The following NEXMIF variants were observed in gnomAD, a reference collection of about 807,000 sequenced individuals.
NEXMIF encodes neurite extension and migration factor, also known as XLMR protein related to neurite extension.
Under a neutral mutation model 62.1 loss-of-function variants are expected in NEXMIF, and 8 were observed. The observed-to-expected ratio is 0.13, with a 90% CI of 0.08 to 0.23. The LOEUF is 0.23. NEXMIF is among the 10% of genes least tolerant of loss of function. The pLI is 1.00. For missense variants in NEXMIF, 976 were observed against 1,113.3 expected (o/e 0.88, Z 1.75); for synonymous variants, 404 against 416.6 (o/e 0.97, Z 0.37).
chrX:74,767,603 C>G (rs2080198589), intron 1 of NEXMIF, among the ~76,000 whole-genome samples: 1 of 111,222 alleles, frequency 9.0e-6, no homozygotes. Flanking sequence ...CTACCCATCC[C>G]TCCCCTGGGA....
In NEXMIF at chrX:74,750,091, A is replaced by AG. The variant is rs1352262825; in HGVS notation, c.-47-4395dup. 7.2e-5 allele frequency among the ~76,000 whole-genome samples: 8 copies of AG among 111,314 alleles called. No homozygotes were observed. The East Asian group carries it at 1.7e-3, about 24-fold the overall frequency. The stretch of plus-strand genomic sequence containing the variant: ...GGACCAGTGAAAGTGGGAGAGACAG[A>AG]GGGGGGGAAGATAGGAAAAAATGTT... On this transcript the variant is annotated intron_variant, in intron 1 of 3. Transcript: ENST00000055682.
intron 1 of NEXMIF, among the ~76,000 whole-genome samples, chrX:74,847,611 T>C (rs1452957095): frequency 9.0e-6 from 1 of 111,727 alleles, no homozygotes; most frequent in Non-Finnish European, 1.9e-5. Flanking sequence ...AGCATGAATT[T>C]TCATATGTAA....
chrX:74,883,678 T>C (rs1270828459), intron 1 of NEXMIF, among the ~76,000 whole-genome samples: 50 of 111,999 alleles, frequency 4.5e-4, no homozygotes, highest in African/African-American at 1.6e-3. Context: ...AATTGGTGTA[T>C]CTGAAAGTGA....
intron 1 of NEXMIF, among the ~76,000 whole-genome samples, chrX:74,754,875 A>G (rs2080154975): frequency 9.0e-6 from 1 of 111,564 alleles, no homozygotes; most frequent in African/African-American, 3.3e-5. Flanking sequence ...AATACAAAAC[A>G]TCCCATTAAA....
intron 1 of NEXMIF, among the ~76,000 whole-genome samples, chrX:74,753,167 G>T (rs2080149275): frequency 8.9e-6 from 1 of 112,132 alleles, no homozygotes; most frequent in Non-Finnish European, 1.9e-5. Flanking sequence ...TCTCCATATG[G>T]TTTCTAATCT....
chrX:74,810,577 G>A (rs1395841496), intron 1 of NEXMIF, among the ~76,000 whole-genome samples: 2 of 106,173 alleles, frequency 1.9e-5, no homozygotes, highest in African/African-American at 6.9e-5. Flanking sequence ...GACTGCTTGA[G>A]GTTAGGAGTC....
At chrX:74,764,369 C>A (rs763359091) in intron 1 of NEXMIF, among the ~76,000 whole-genome samples, 2 of 111,791 alleles carry the variant, frequency 1.8e-5, no homozygotes, top group South Asian at 7.6e-4. Context: ...ATTCGGTTTG[C>A]CAGTATTTTA....
At chrX:74,875,267 T>A (rs1285556346) in intron 1 of NEXMIF, among the ~76,000 whole-genome samples, 2 of 111,082 alleles carry the variant, frequency 1.8e-5, no homozygotes, top group Admixed American at 9.6e-5. Context: ...GGTTTTTGTC[T>A]TTGGTTCTGT....
chrX:74,818,989 T>C (rs962387332), intron 1 of NEXMIF, among the ~76,000 whole-genome samples: 2 of 111,879 alleles, frequency 1.8e-5, no homozygotes, highest in Middle Eastern at 4.6e-3. Context: ...AACAGATATA[T>C]AGACCAACGG....
intron 3 of NEXMIF, 45 bp downstream of exon 3, chrX:74,740,055 G>A (rs2080096640): frequency 2.7e-6 from 3 of 1,131,083 alleles, no homozygotes; most frequent in Non-Finnish European, 3.6e-6. Flanking sequence ...TAGGTAGTAG[G>A]AGAGCTAAGG....
chrX:74,816,080 G>A (rs1334647310), intron 1 of NEXMIF, among the ~76,000 whole-genome samples: 1 of 111,259 alleles, frequency 9.0e-6, no homozygotes, highest in Admixed American at 9.6e-5. Context: ...CTTAAGTATT[G>A]GTCTTCCTTT....
intron 1 of NEXMIF, among the ~76,000 whole-genome samples, chrX:74,779,560 C>T (rs1271493553): frequency 9.0e-6 from 1 of 111,444 alleles, no homozygotes; most frequent in African/African-American, 3.3e-5. Context: ...TGGCACCATG[C>T]ACAACACCTG....
intron 1 of NEXMIF, among the ~76,000 whole-genome samples, chrX:74,858,689 G>T (rs752562103): frequency 8.9e-4 from 99 of 111,323 alleles, no homozygotes; most frequent in African/African-American, 3.1e-3. Flanking sequence ...TTAGGCACCA[G>T]GGGCCAATCC....
At chrX:74,844,092 A>G (rs1334379762) in intron 1 of NEXMIF, among the ~76,000 whole-genome samples, 1 of 111,894 alleles carries the variant, frequency 8.9e-6, no homozygotes, top group Non-Finnish European at 1.9e-5. Flanking sequence ...TTTCTTTAAG[A>G]ATATTAAATA....
At chrX:74,901,922 T>C (rs2080750631) in intron 1 of NEXMIF, among the ~76,000 whole-genome samples, 1 of 111,491 alleles carries the variant, frequency 9.0e-6, no homozygotes, top group Admixed American at 9.6e-5. Context: ...GCCAAAAGTA[T>C]CATTCAGGAC....
chrX:74,843,816 T>G (rs1169196703), intron 1 of NEXMIF, among the ~76,000 whole-genome samples: 1 of 112,430 alleles, frequency 8.9e-6, no homozygotes, highest in Non-Finnish European at 1.9e-5. Flanking sequence ...GATTTGATCC[T>G]GTCATTGTGC....
chrX:74,760,179 T>C (rs1330637977), intron 1 of NEXMIF, among the ~76,000 whole-genome samples: 1 of 111,819 alleles, frequency 8.9e-6, no homozygotes, highest in Non-Finnish European at 1.9e-5. Flanking sequence ...GTTCCTGATT[T>C]GGCTCTCAGC....
At chrX:74,876,941 A>G (rs2147508775) in intron 1 of NEXMIF, among the ~76,000 whole-genome samples, 2 of 111,150 alleles carry the variant, frequency 1.8e-5, no homozygotes, top group East Asian at 5.6e-4. Flanking sequence ...TTGACTCTTT[A>G]TCCAATTTGC....
intron 1 of NEXMIF, among the ~76,000 whole-genome samples, chrX:74,917,736 G>A (rs765548679): frequency 9.0e-6 from 1 of 111,545 alleles, no homozygotes; most frequent in African/African-American, 3.3e-5. Context: ...TTGGCTAAGA[G>A]AAATATATAG....
Sources: gnomAD v4.1 joint callset for allele counts (sites outside exome capture counted in the v4.1 genomes callset) on GRCh38, gnomAD v4.1.1 for gene constraint, MANE v1.5 for transcripts, NCBI Gene and HGNC (gene_info 2026-07-23, HGNC 2026-07-21) for gene names.